Variants in MRAS observed in about 807,000 individuals in gnomAD.
MRAS encodes ras-related protein M-Ras.
In MRAS, 4 loss-of-function variants were observed where a neutral mutation model predicts 20.9. The ratio of observed to expected loss-of-function variants is 0.19; its 90% CI spans 0.09 to 0.44. MRAS has a LOEUF of 0.44. Ranked by LOEUF, MRAS falls within the 20% of genes least tolerant of loss-of-function variation. The probability of loss-of-function intolerance (pLI) is 0.99; values close to 1 mark genes in which losing one functional copy is unlikely to be tolerated. For missense variants in MRAS, 154 were observed against 277.5 expected, an observed-to-expected ratio of 0.56 and a Z score of 3.16; for synonymous variants, 98 against 102.9, an observed-to-expected ratio of 0.95 and a Z score of 0.29.
intron 2 of MRAS, among the ~76,000 whole-genome samples, chr3:138,388,122 A>G (rs140396539): frequency 1.8e-4 from 28 of 152,276 alleles, no homozygotes; most frequent in African/African-American, 6.0e-4. Flanking sequence ...CCCTGCCAGC[A>G]TTTTGGAGAA....
At chr3:138,390,518 GTCC>G (rs752090687) in intron 2 of MRAS, among the ~76,000 whole-genome samples, 5 of 152,238 alleles carry the variant, frequency 3.3e-5, no homozygotes, top group Non-Finnish European at 7.3e-5. Context: ...TGTCTCTGGA[GTCC>G]TCCTACCTTC....
intron 1 of MRAS, among the ~76,000 whole-genome samples, chr3:138,356,551 C>T (rs1049997121): frequency 1.3e-5 from 2 of 152,172 alleles, no homozygotes; most frequent in Non-Finnish European, 1.5e-5. Context: ...AGGAGACAGG[C>T]AAAGCCGTCT....
At chr3:138,350,140 CGT>C (rs2054197339) in intron 1 of MRAS, 1 of 152,182 alleles carries the variant, frequency 6.6e-6, no homozygotes, top group Non-Finnish European at 1.5e-5. Context: ...ATAACTGACT[CGT>C]GTCAGAAGCT....
chr3:138,392,192 C>T (rs141052787), intron 2 of MRAS, among the ~76,000 whole-genome samples: 55 of 152,282 alleles, frequency 3.6e-4, no homozygotes, highest in African/African-American at 1.3e-3. Context: ...AAAGTTTGTT[C>T]TGTCTCTCAG....
intron 2 of MRAS, among the ~76,000 whole-genome samples, chr3:138,393,881 G>C (rs1284730774): frequency 6.6e-6 from 1 of 151,960 alleles, no homozygotes; most frequent in Non-Finnish European, 1.5e-5. Context: ...AATAGAGATG[G>C]GGTTTCACGA....
chr3:138,372,891 C>G lies in MRAS; in HGVS notation c.8C>G (p.Thr3Ser). 1.3e-6 allele frequency: 2 copies of G among 1,537,014 alleles called. No homozygotes were observed. The highest frequency in any genetic ancestry group is 1.3e-5 in the South Asian group (1 of 78,972). ...GTCTGACCTACGAGAAACATGGCAA[C>G]CAGCGCCGTCCCCAGTGACAACCTC... is the stretch of plus-strand genomic sequence containing the variant. MA[T>S]SAVPSDNLPT... Residue 3 changes from threonine (T) to serine (S), a missense_variant, in exon 2 of 6, where the codon ACC becomes AGC. This residue lies in a region of MRAS where 27 missense variants were observed against 42.0 expected (regional missense o/e 0.64). Transcript: ENST00000423968.
chr3:138,393,980 C>T (rs1207559237), intron 2 of MRAS, among the ~76,000 whole-genome samples: 3 of 152,110 alleles, frequency 2.0e-5, no homozygotes, highest in Admixed American at 6.5e-5. Context: ...CATGAGCCAC[C>T]GCACCCGGGT....
intron 2 of MRAS, among the ~76,000 whole-genome samples, chr3:138,396,003 G>C (rs542870161): frequency 6.6e-6 from 1 of 152,340 alleles, no homozygotes; most frequent in East Asian, 1.9e-4. Flanking sequence ...TGGCTGGCCA[G>C]AAGTGTTCCC....
At chr3:138,368,698 T>C (rs2054614383) in intron 1 of MRAS, among the ~76,000 whole-genome samples, 1 of 152,164 alleles carries the variant, frequency 6.6e-6, no homozygotes, top group Non-Finnish European at 1.5e-5. Context: ...AGAGGGGTGT[T>C]GTGAATGTCA....
At chr3:138,361,135 C>T (rs2054438106) in intron 1 of MRAS, among the ~76,000 whole-genome samples, 2 of 152,116 alleles carry the variant, frequency 1.3e-5, no homozygotes, top group African/African-American at 4.8e-5. Flanking sequence ...TGGAAGGAGA[C>T]CTTGGGGGAT....
Position 138,404,017 on chromosome 3 carries a change from T to G in MRAS, c.*1748T>G. On this transcript the variant is annotated 3_prime_UTR_variant, in exon 6 of 6. Coordinates refer to ENST00000423968, the MANE Select transcript of MRAS (RefSeq NM_001085049.3). ...TTTTGCTTGTTGGAAATCAAACTTC[T>G]TATTTGTCTAAATTGCCCCTTTTTC... 1 of 152,204 alleles carries G rather than the reference T, an allele frequency of 6.6e-6. No individual in the cohort carries two copies. The allele number at this position is 152,204 out of a possible 1,614,324, so 9.4% of individuals were successfully genotyped here. A position where few individuals can be genotyped will look rare whatever the true frequency, so the allele number is the denominator to read the frequency against.
Position 138,372,699 on chromosome 3 carries a change from T to G in MRAS, c.-18-167T>G, listed in dbSNP as rs374738469. Among the ~76,000 whole-genome samples the G allele has an allele frequency of 1.1e-3, 166 of 152,360 alleles. 5 individuals are homozygous for G. In the South Asian group the frequency reaches 0.034, roughly 31 times the overall value. On this transcript the variant is annotated intron_variant, in intron 1 of 5. Coordinates refer to ENST00000423968, the MANE Select transcript of MRAS (RefSeq NM_001085049.3). ...TAAATCACTTTAACAGTGGACTGTC[T>G]CTGGCTAGTGAGACCAGGGGTAATG... is the stretch of plus-strand genomic sequence containing the variant.
At chr3:138,398,209 T>C (rs551908774) in intron 3 of MRAS, among the ~76,000 whole-genome samples, 1 of 152,308 alleles carries the variant, frequency 6.6e-6, no homozygotes, top group Admixed American at 6.5e-5. Context: ...AGCCAGCCCC[T>C]GGCCAGCAGC....
intron 2 of MRAS, among the ~76,000 whole-genome samples, chr3:138,379,597 A>T (rs748487173): frequency 2.0e-5 from 3 of 152,130 alleles, no homozygotes; most frequent in Non-Finnish European, 4.4e-5. Flanking sequence ...ACCTCAGGTG[A>T]TCTGCCCACC....
chr3:138,403,266 G>A lies in MRAS; in HGVS notation c.*997G>A, dbSNP rs926882745. The A allele has an allele frequency of 6.6e-6, 1 of 152,088 alleles. No homozygotes were observed. The highest frequency in any genetic ancestry group is 1.5e-5 in the Non-Finnish European group (1 of 68,028). The allele number at this position is 152,088 out of a possible 1,614,324, so 9.4% of individuals were successfully genotyped here. The stretch of plus-strand genomic sequence containing the variant: ...GTTTTCACATCAGCTGTGCTGCTTG[G>A]TGCCTCTCTGATACGAATACACTGA... On this transcript the variant is annotated 3_prime_UTR_variant, in exon 6 of 6. Transcript: ENST00000423968.
intron 2 of MRAS, among the ~76,000 whole-genome samples, chr3:138,382,695 AC>A (rs1489693553): frequency 2.0e-5 from 3 of 151,606 alleles, no homozygotes; most frequent in South Asian, 2.1e-4. Context: ...GGAATATGCA[AC>A]TCCCTACACC....
chr3:138,400,426 G>T, intron 4 of MRAS, 108 bp from the exon 5 acceptor site: 1 of 914,542 alleles, frequency 1.1e-6, no homozygotes, highest in Non-Finnish European at 1.8e-6. Context: ...TTCTGTGGGG[G>T]GTTTTGAAAG....
intron 1 of MRAS, among the ~76,000 whole-genome samples, chr3:138,371,627 G>C (rs556196446): frequency 1.3e-5 from 2 of 152,260 alleles, no homozygotes; most frequent in East Asian, 3.9e-4. Context: ...ACAGCCGTAG[G>C]ATTAAGCTTT....
intron 2 of MRAS, among the ~76,000 whole-genome samples, chr3:138,377,044 A>G (rs1002235574): frequency 6.6e-6 from 1 of 152,238 alleles, no homozygotes; most frequent in African/African-American, 2.4e-5. Flanking sequence ...TCAAGATTGA[A>G]TGTTTTCCTC....
Sources: gnomAD v4.1 joint callset for allele counts (sites outside exome capture counted in the v4.1 genomes callset) on GRCh38, gnomAD v4.1.1 for gene constraint, gnomAD v4.1.1 regional missense constraint, MANE v1.5 for transcripts, NCBI Gene and HGNC (gene_info 2026-07-23, HGNC 2026-07-21) for gene names.